KCNH1: variants seen among roughly 807,000 people sequenced by gnomAD.
KCNH1 encodes the protein voltage-gated delayed rectifier potassium channel KCNH1.
In KCNH1, 27 loss-of-function variants were observed where a neutral mutation model predicts 69.2. The observed-to-expected ratio is 0.39, with a 90% CI of 0.29 to 0.54. The LOEUF (loss-of-function observed/expected upper bound fraction) is 0.54. Ranked by LOEUF, KCNH1 falls within the 20% of genes least tolerant of loss-of-function variation. KCNH1 has a pLI of 0.68. For missense variants in KCNH1, 798 were observed against 1,261.6 expected (o/e 0.63, Z 5.57); for synonymous variants, 456 against 487.7 (o/e 0.93, Z 0.86).
chr1:211,132,005 T>C (rs187600362), intron 1 of KCNH1, among the ~76,000 whole-genome samples: 43 of 152,332 alleles, frequency 2.8e-4, no homozygotes, highest in African/African-American at 8.2e-4. Context: ...TATTCTGCCT[T>C]CACAGCTCCA....
intron 5 of KCNH1, among the ~76,000 whole-genome samples, chr1:211,035,963 C>T (rs1021531956): frequency 1.3e-5 from 2 of 152,206 alleles, no homozygotes; most frequent in African/African-American, 4.8e-5. Context: ...CAGCATTGCT[C>T]TGATTGTTAC....
chr1:211,021,880 T>A (rs1182012236), intron 5 of KCNH1, among the ~76,000 whole-genome samples: 1 of 152,144 alleles, frequency 6.6e-6, no homozygotes, highest in Non-Finnish European at 1.5e-5. Context: ...GAATTAATAT[T>A]ATTACAATGT....
chr1:210,969,204 G>A (rs1688467363), intron 6 of KCNH1, among the ~76,000 whole-genome samples: 2 of 151,896 alleles, frequency 1.3e-5, no homozygotes, highest in South Asian at 2.1e-4. Context: ...CCATCCTCAT[G>A]AGTGAGGTTA....
intron 5 of KCNH1, among the ~76,000 whole-genome samples, chr1:211,040,290 A>G (rs935881270): frequency 2.6e-5 from 4 of 152,022 alleles, no homozygotes; most frequent in Non-Finnish European, 5.9e-5. Context: ...GCAGAATGAT[A>G]TGGTTTGGCT....
At chr1:210,941,780 C>A (rs1687879855) in intron 6 of KCNH1, among the ~76,000 whole-genome samples, 2 of 152,272 alleles carry the variant, frequency 1.3e-5, no homozygotes, top group Middle Eastern at 3.4e-3. Flanking sequence ...GGAAACAGTG[C>A]AATCCTAACT....
chr1:210,741,117 C>T (rs1255309168), intron 10 of KCNH1, among the ~76,000 whole-genome samples: 1 of 152,166 alleles, frequency 6.6e-6, no homozygotes, highest in Admixed American at 6.5e-5. Flanking sequence ...AAAGTGGTCA[C>T]TAGGATCCTT....
chr1:211,105,477 T>C (rs765669243), intron 2 of KCNH1, among the ~76,000 whole-genome samples: 1 of 152,178 alleles, frequency 6.6e-6, no homozygotes, highest in Non-Finnish European at 1.5e-5. Context: ...GGATCTCAGA[T>C]TGCAAATGCT....
chr1:210,986,778 C>T (rs1028414465), intron 6 of KCNH1, among the ~76,000 whole-genome samples: 1 of 152,142 alleles, frequency 6.6e-6, no homozygotes, highest in African/African-American at 2.4e-5. Flanking sequence ...TTGCTCTTCT[C>T]GAGGAGTATC....
chr1:210,684,028 G>A lies in KCNH1; in HGVS notation c.2223C>T (p.Phe741=). Residue 741 remains phenylalanine, a synonymous_variant, in exon 11 of 11, where the codon TTC becomes TTT. Coordinates refer to ENST00000271751, the MANE Select transcript of KCNH1 (RefSeq NM_172362.3). ...LPPDHPVRRL[F]QRFRQQKEAR... is the part of the protein sequence containing the mutation. ...CCTCTTTCTGCTGTCGGAATCTCTGGAAGAGGCGCCGGACAGGGTGGTCCG... is the reference window on the plus strand; with the variant it reads ...CCTCTTTCTGCTGTCGGAATCTCTGAAAGAGGCGCCGGACAGGGTGGTCCG... 6.3e-7 allele frequency: 1 copy of A among 1,586,272 alleles called. No individual in the cohort carries two copies. The highest frequency in any genetic ancestry group is 8.6e-7 in the Non-Finnish European group (1 of 1,161,962).
intron 7 of KCNH1, among the ~76,000 whole-genome samples, chr1:210,834,296 C>T (rs1192897960): frequency 1.3e-5 from 2 of 149,268 alleles, no homozygotes; most frequent in South Asian, 2.2e-4. Flanking sequence ...AAATGTCCAA[C>T]AATGATAGAC....
At chr1:210,712,842 T>C (rs1682111711) in intron 10 of KCNH1, among the ~76,000 whole-genome samples, 1 of 152,186 alleles carries the variant, frequency 6.6e-6, no homozygotes, top group African/African-American at 2.4e-5. Flanking sequence ...CTTGGAATTT[T>C]AGTCTATCAG....
intron 10 of KCNH1, among the ~76,000 whole-genome samples, chr1:210,715,442 G>C (rs1363496755): frequency 6.6e-6 from 1 of 151,970 alleles, no homozygotes; most frequent in Non-Finnish European, 1.5e-5. Context: ...CAAGGCAGGA[G>C]GGTTGCTTGA....
At chr1:211,014,297 T>C (rs1422641281) in intron 6 of KCNH1, among the ~76,000 whole-genome samples, 2 of 152,220 alleles carry the variant, frequency 1.3e-5, no homozygotes, top group Admixed American at 6.5e-5. Context: ...AAGAGACTTA[T>C]TTAGCTTCTG....
At chr1:211,031,084 G>A (rs890771094) in intron 5 of KCNH1, among the ~76,000 whole-genome samples, 1 of 151,690 alleles carries the variant, frequency 6.6e-6, no homozygotes, top group African/African-American at 2.4e-5. Context: ...TTTTAAAAGG[G>A]ACAACACCTT....
At chr1:210,936,006 T>C (rs1034840911) in intron 6 of KCNH1, among the ~76,000 whole-genome samples, 5 of 152,218 alleles carry the variant, frequency 3.3e-5, no homozygotes, top group African/African-American at 1.2e-4. Context: ...GGTTAACCAA[T>C]TCTCTGCTCG....
intron 7 of KCNH1, among the ~76,000 whole-genome samples, chr1:210,863,694 C>T (rs907867060): frequency 6.6e-6 from 1 of 152,146 alleles, no homozygotes. Flanking sequence ...ATTAGGAAAT[C>T]GGGGAAAGTC....
chr1:210,766,819 T>C (rs1420990253), intron 10 of KCNH1, among the ~76,000 whole-genome samples: 3 of 152,230 alleles, frequency 2.0e-5, no homozygotes, highest in Non-Finnish European at 2.9e-5. Flanking sequence ...CACGGACATT[T>C]GGTCTGGAAT....
At chr1:210,714,551 CA>C (rs1682173655) in intron 10 of KCNH1, among the ~76,000 whole-genome samples, 1 of 152,116 alleles carries the variant, frequency 6.6e-6, no homozygotes. Flanking sequence ...GACATCCACA[CA>C]AGGGGTCAGA....
chr1:210,746,624 T>G (rs140082326), intron 10 of KCNH1, among the ~76,000 whole-genome samples: 26,149 of 151,892 alleles, frequency 0.17, 2,980 homozygotes, highest in Non-Finnish European at 0.26. Context: ...CTCAGCTCAC[T>G]GCAACCTCCA....
Sources: gnomAD v4.1 joint callset for allele counts (sites outside exome capture counted in the v4.1 genomes callset) on GRCh38, gnomAD v4.1.1 for gene constraint, MANE v1.5 for transcripts, NCBI Gene and HGNC (gene_info 2026-07-23, HGNC 2026-07-21) for gene names.